The following VWF variants were observed in gnomAD, a reference collection of about 807,000 sequenced individuals.
VWF encodes von Willebrand factor.
Under a neutral mutation model 308.6 loss-of-function variants are expected in VWF, and 176 were observed. That is an observed-to-expected ratio of 0.57 (90% CI 0.50 to 0.65). The LOEUF (loss-of-function observed/expected upper bound fraction) is 0.65, where lower values mean the gene tolerates loss of function less well. VWF is among the 30% of genes least tolerant of loss of function. The pLI is 0.00. For synonymous variants in VWF, 1,385 were observed against 1,443.4 expected (o/e 0.96, Z 0.92); for missense variants, 3,146 against 3,648.2 (o/e 0.86, Z 3.55).
At chr12:6,030,478 T>C (rs987195575) in intron 21 of VWF, among the ~76,000 whole-genome samples, 1 of 152,122 alleles carries the variant, frequency 6.6e-6, no homozygotes, top group African/African-American at 2.4e-5. Context: ...CAGGACAAGT[T>C]TGTGCCCAGA....
chr12:6,119,427 T>C (rs541955235), intron 3 of VWF, among the ~76,000 whole-genome samples: 2 of 152,302 alleles, frequency 1.3e-5, no homozygotes, highest in Admixed American at 6.5e-5. Context: ...CAGGGCTCCA[T>C]GTCAGGAGTA....
chr12:6,105,491 G>C (rs1351064499), intron 5 of VWF, among the ~76,000 whole-genome samples: 1 of 152,142 alleles, frequency 6.6e-6, no homozygotes, highest in East Asian at 1.9e-4. Context: ...GCCTCCTGAA[G>C]TGCTGGGATT....
intron 34 of VWF, among the ~76,000 whole-genome samples, chr12:6,002,629 T>A (rs1367328767): frequency 6.6e-6 from 1 of 151,980 alleles, no homozygotes; most frequent in Non-Finnish European, 1.5e-5. Flanking sequence ...CCAATTTACA[T>A]GGAAGAATTA....
intron 27 of VWF, 81 bp downstream of exon 27, chr12:6,021,819 T>C (rs1944132303): frequency 1.3e-5 from 20 of 1,584,224 alleles, no homozygotes; most frequent in Non-Finnish European, 1.6e-5. Flanking sequence ...TAGGACTTTT[T>C]ACCCAAAACC....
intron 34 of VWF, among the ~76,000 whole-genome samples, chr12:6,004,461 G>A (rs1305445357): frequency 6.6e-6 from 1 of 151,998 alleles, no homozygotes; most frequent in Non-Finnish European, 1.5e-5. Context: ...GTGTGCACGT[G>A]TGTGTGTGCG....
chr12:5,971,904 C>T (rs1441466597), intron 43 of VWF, among the ~76,000 whole-genome samples, 195 bp from the exon 44 acceptor site: 2 of 152,236 alleles, frequency 1.3e-5, no homozygotes, highest in Non-Finnish European at 2.9e-5. Context: ...CGAAGTCTTA[C>T]ATCAGCTGCA....
chr12:6,052,876 C>T, intron 15 of VWF, 93 bp from the exon 16 acceptor site: 1 of 1,479,374 alleles, frequency 6.8e-7, no homozygotes, highest in Non-Finnish European at 9.1e-7. Context: ...GCTGTGACCC[C>T]CAATTATTTA....
chr12:5,988,780 C>A (rs11063977), intron 38 of VWF, among the ~76,000 whole-genome samples: 11,286 of 152,260 alleles, frequency 0.074, 588 homozygotes, highest in East Asian at 0.23. Context: ...CAAGCCCAGG[C>A]CAACTGCAGG....
At chr12:6,006,915 A>T (rs1461151117) in intron 34 of VWF, among the ~76,000 whole-genome samples, 1 of 152,256 alleles carries the variant, frequency 6.6e-6, no homozygotes, top group African/African-American at 2.4e-5. Flanking sequence ...TTTCATGCCA[A>T]TGTTAACTAA....
At chr12:5,983,401 G>GGATAGATAGACA (rs1555191777) in intron 40 of VWF, 147 bp from the exon 41 acceptor site, 2 of 480,132 alleles carry the variant, frequency 4.2e-6, no homozygotes, top group Non-Finnish European at 7.7e-6. Context: ...ACATGGGTTA[G>GGATAGATAGACA]GATAGATAGA....
chr12:6,122,564 C>A (rs1275462734), intron 2 of VWF: 1 of 317,576 alleles, frequency 3.1e-6, no homozygotes, highest in East Asian at 8.8e-5. Flanking sequence ...CACCTGTGGG[C>A]AGTAGCTGGA....
chr12:6,069,673 G>C (rs935455922), intron 10 of VWF, among the ~76,000 whole-genome samples: 2 of 152,168 alleles, frequency 1.3e-5, no homozygotes, highest in African/African-American at 4.8e-5. Context: ...TCAGAGCCAG[G>C]GCTTTGAGAA....
chr12:6,019,348 G>A lies in VWF; in HGVS notation c.4070C>T (p.Thr1357Ile). Residue 1357 changes from threonine to isoleucine, a missense_variant, in exon 28 of 52, where the codon ACC becomes ATC. Physicochemically the swap from Thr to Ile is moderately conservative, Grantham distance 89. Around this residue, in one of 3 missense-constraint regions of VWF, gnomAD observed 853 missense variants for 1,177.8 expected, o/e 0.72. Coordinates refer to ENST00000261405, the MANE Select transcript of VWF (RefSeq NM_000552.5). This position sits in a 1 kb window ranked among gnomAD's most constrained non-coding sequence, Gnocchi z 5.8. ...VKYAGSQVASTSEVLKYTLFQ... is the reference protein window; with the variant it reads ...VKYAGSQVASISEVLKYTLFQ... ...CAGTGTGTATTTCAAGACCTCGCTG[G>A]TGGAGGCCACCTGGCTGCCCGCATA... 6.2e-7 allele frequency: 1 copy of A among 1,613,948 alleles called. No individual in the cohort carries two copies. Among genetic ancestry groups the A allele is most frequent in the Middle Eastern group, 1.7e-4 (1 of 6,056 alleles).
chr12:5,983,027 C>T, intron 41 of VWF, 123 bp downstream of exon 41: 1 of 1,021,250 alleles, frequency 9.8e-7, no homozygotes, highest in Non-Finnish European at 1.5e-6. Context: ...ACTCCCAACC[C>T]AGATTCAGCT....
At chr12:6,028,836 G>A (rs937292472) in intron 22 of VWF, among the ~76,000 whole-genome samples, 7 of 152,170 alleles carry the variant, frequency 4.6e-5, no homozygotes, top group South Asian at 2.1e-4. Context: ...TCGATGCTAC[G>A]AAGAAACGGT....
chr12:6,107,411 T>A (rs1264462281), intron 5 of VWF, among the ~76,000 whole-genome samples: 1 of 152,248 alleles, frequency 6.6e-6, no homozygotes, highest in Non-Finnish European at 1.5e-5. Context: ...GTCTGTAAAT[T>A]AACCTCAATA....
At chr12:5,976,328 C>T (rs1943533534) in intron 42 of VWF, 68 bp from the exon 43 acceptor site, 3 of 1,602,914 alleles carry the variant, frequency 1.9e-6, no homozygotes, top group South Asian at 2.2e-5. Flanking sequence ...TTAGCACCTA[C>T]TACACAGAAG....
chr12:6,111,580 G>A (rs1023192105), intron 3 of VWF, among the ~76,000 whole-genome samples: 3 of 151,842 alleles, frequency 2.0e-5, no homozygotes, highest in Non-Finnish European at 2.9e-5. Flanking sequence ...TCACCGTGTC[G>A]CCCAGGCTGG....
In VWF at chr12:5,953,479, A is replaced by C; in HGVS notation, c.7986+17T>G. The C allele has an allele frequency of 6.2e-7, 1 of 1,609,346 alleles. No homozygotes were observed. ...ATGGTGATATGTGAGGGAGCCCTGC[A>C]TTCAGCTTGCTCCTACCTTCAGTGT... On this transcript the variant is annotated intron_variant, in intron 48 of 51. Transcript: ENST00000261405.
Sources: allele counts gnomAD v4.1 joint callset (sites outside exome capture counted in the v4.1 genomes callset), GRCh38; gene constraint gnomAD v4.1.1; regional missense constraint gnomAD v4.1.1; non-coding constraint Gnocchi (gnomAD v3.1); transcripts MANE v1.5; gene names NCBI Gene and HGNC (gene_info 2026-07-23, HGNC 2026-07-21).